CLRN1: variants seen among roughly 807,000 people sequenced by gnomAD.
The protein encoded by CLRN1 is clarin 1.
In CLRN1, 15 loss-of-function variants were observed where a neutral mutation model predicts 18.7. The ratio of observed to expected loss-of-function variants is 0.80; its 90% CI spans 0.54 to 1.23. CLRN1 has a LOEUF of 1.23. Among genes scored for constraint, CLRN1 ranks in the 50% most tolerant of loss-of-function variants. The pLI, the probability that CLRN1 is intolerant of heterozygous loss-of-function variation, is 0.00. For missense variants in CLRN1, 311 were observed against 277.5 expected (o/e 1.12, Z -0.86); for synonymous variants, 104 against 102.9 (o/e 1.01, Z -0.07).
chr3:150,929,718 C>A (rs1559977366), intron 2 of CLRN1, among the ~76,000 whole-genome samples: 1 of 152,146 alleles, frequency 6.6e-6, no homozygotes, highest in Non-Finnish European at 1.5e-5. Flanking sequence ...TTAGGTCAAA[C>A]CAATTTGGTT....
At position 150,926,768 on chromosome 3, in the gene CLRN1, T is replaced by C. The variant is rs1441451649; in HGVS notation, c.*1168A>G. The C allele has an allele frequency of 1.2e-6, 2 of 1,612,510 alleles. No individual in the cohort carries two copies. The highest frequency in any genetic ancestry group is 2.7e-5 in the African/African-American group (2 of 74,886). ...GCACCTGTGGTCAGAGGCCTAGTGA[T>C]CTGTTTGCTGTCATTCTCTGCTTTT... is the stretch of plus-strand genomic sequence containing the variant. On this transcript the variant is annotated 3_prime_UTR_variant, in exon 3 of 3. Transcript: ENST00000327047.
At chr3:150,964,788 A>G (rs1193720973) in intron 1 of CLRN1, among the ~76,000 whole-genome samples, 1 of 152,342 alleles carries the variant, frequency 6.6e-6, no homozygotes, top group Non-Finnish European at 1.5e-5. Flanking sequence ...TTCTCAGCAA[A>G]CTGACGCAGG....
At chr3:150,943,988 T>C in intron 1 of CLRN1, 1 of 1,309,804 alleles carries the variant, frequency 7.6e-7, no homozygotes, top group Admixed American at 2.0e-5. Flanking sequence ...GTCAAGAAAA[T>C]AGCCTGCATC....
At chr3:150,962,356 A>G (rs952403812) in intron 1 of CLRN1, among the ~76,000 whole-genome samples, 2 of 152,212 alleles carry the variant, frequency 1.3e-5, no homozygotes, top group African/African-American at 4.8e-5. Context: ...ATGACAGGCA[A>G]ATTTTTCAGT....
chr3:150,931,293 C>G (rs760403338), intron 2 of CLRN1, among the ~76,000 whole-genome samples: 5 of 152,198 alleles, frequency 3.3e-5, no homozygotes, highest in Non-Finnish European at 7.3e-5. Flanking sequence ...GAGAATAAGA[C>G]TCAACCTACA....
chr3:150,941,616 A>G lies in CLRN1; in HGVS notation c.399T>C (p.Gly133=), dbSNP rs1319085632. The G allele has an allele frequency of 6.2e-7, 1 of 1,614,064 alleles. No homozygotes were observed. The highest frequency in any genetic ancestry group is 2.2e-5 in the East Asian group (1 of 44,858). Residue 133 remains glycine (G), a synonymous_variant, in exon 2 of 3, where the codon GGT becomes GGC. Coordinates refer to ENST00000327047, the MANE Select transcript of CLRN1 (RefSeq NM_174878.3). ...AGCTCAAAAGGTACAGCCCTAGGGG[A>G]CCATGCAGAGTTTCAAAAGGTTTTC... ...AFGKPFETLH[G]PLGLYLLSFI...
intron 1 of CLRN1, among the ~76,000 whole-genome samples, chr3:150,963,881 AC>A (rs1576645681): frequency 6.6e-6 from 1 of 152,162 alleles, no homozygotes; most frequent in East Asian, 1.9e-4. Flanking sequence ...ACTAAACTGG[AC>A]CCCTTCCTTA....
At chr3:150,944,126 A>T in intron 1 of CLRN1, 1 of 491,568 alleles carries the variant, frequency 2.0e-6, no homozygotes. Context: ...CTGAATGTTG[A>T]GAAGGAAATC....
In CLRN1 at chr3:150,972,152, A is replaced by G. The variant is rs77631528; in HGVS notation, c.253+304T>C. Among the ~76,000 whole-genome samples the G allele has an allele frequency of 4.7e-3, 721 of 152,294 alleles. 5 individuals carry two copies. Among genetic ancestry groups the G allele is most frequent in the Non-Finnish European group, 5.9e-3 (402 of 68,018 alleles). On this transcript the variant is annotated intron_variant, in intron 1 of 2. Coordinates refer to ENST00000327047, the MANE Select transcript of CLRN1 (RefSeq NM_174878.3). ...ACAGCTTTCCTATTTCCCCAAGTTT[A>G]CTTTTTTAAAAAGACTCCATAATTT...
intron 1 of CLRN1, among the ~76,000 whole-genome samples, chr3:150,957,813 C>A (rs570471409): frequency 6.6e-6 from 1 of 152,132 alleles, no homozygotes; most frequent in African/African-American, 2.4e-5. Flanking sequence ...TGTGCCACCA[C>A]GCCCGGCTAA....
rs141081164 is a variant in CLRN1, at chr3:150,943,793, G to A, written c.254-2032C>T. 48 of 1,613,942 alleles carry A rather than the reference G, an allele frequency of 3.0e-5. No homozygotes were observed. The African/African-American group carries it at 4.8e-4, about 16-fold the overall frequency. Reference sequence around the variant, plus strand: ...CGAGAGCATTGTAACACACCCTCTGGGGCCCTGGGGTTGCAGGCACCCCTA... The same window carrying A: ...CGAGAGCATTGTAACACACCCTCTGAGGCCCTGGGGTTGCAGGCACCCCTA... On this transcript the variant is annotated intron_variant, in intron 1 of 2. Transcript: ENST00000327047.
chr3:150,938,031 AT>A (rs1713597948), intron 2 of CLRN1, among the ~76,000 whole-genome samples: 1 of 152,072 alleles, frequency 6.6e-6, no homozygotes, highest in Non-Finnish European at 1.5e-5. Flanking sequence ...TTGGGTGCCC[AT>A]CCAGCAGGGA....
intron 1 of CLRN1, among the ~76,000 whole-genome samples, chr3:150,964,350 C>G (rs897831837): frequency 3.3e-5 from 5 of 152,188 alleles, no homozygotes; most frequent in South Asian, 4.2e-4. Flanking sequence ...CAAAACCACA[C>G]TGAGATACCA....
intron 1 of CLRN1, among the ~76,000 whole-genome samples, chr3:150,966,160 A>T (rs771402880): frequency 5.6e-4 from 85 of 152,204 alleles, no homozygotes; most frequent in Non-Finnish European, 1.0e-3. Flanking sequence ...AAAATTTTTT[A>T]AAAGTTAGCC....
chr3:150,965,825 A>G (rs1715235809), intron 1 of CLRN1, among the ~76,000 whole-genome samples: 1 of 152,214 alleles, frequency 6.6e-6, no homozygotes, highest in South Asian at 2.1e-4. Flanking sequence ...TTACAAGTAA[A>G]ATTATAATTC....
chr3:150,961,754 T>A (rs1444634356), intron 1 of CLRN1, among the ~76,000 whole-genome samples: 1 of 152,222 alleles, frequency 6.6e-6, no homozygotes, highest in Non-Finnish European at 1.5e-5. Context: ...GCTCTTGATC[T>A]GACTTTCCCC....
At chr3:150,942,432 G>A (rs185313563) in intron 1 of CLRN1, 6 of 206,734 alleles carry the variant, frequency 2.9e-5, no homozygotes, top group Admixed American at 1.2e-4. Flanking sequence ...CTTTCATCTG[G>A]TGAGGCATCA....
chr3:150,942,789 T>C (rs1419121257), intron 1 of CLRN1: 1 of 279,750 alleles, frequency 3.6e-6, no homozygotes, highest in Non-Finnish European at 7.2e-6. Context: ...TCCAATGCCT[T>C]TGAACTTGGA....
intron 2 of CLRN1, among the ~76,000 whole-genome samples, chr3:150,936,176 A>T (rs963798428): frequency 6.6e-6 from 1 of 151,956 alleles, no homozygotes; most frequent in African/African-American, 2.4e-5. Context: ...GCTTTTGTTG[A>T]CATTGCTTTT....
Sources: allele counts gnomAD v4.1 joint callset (sites outside exome capture counted in the v4.1 genomes callset), GRCh38; gene constraint gnomAD v4.1.1; transcripts MANE v1.5; gene names NCBI Gene and HGNC (gene_info 2026-07-23, HGNC 2026-07-21).